The following DOCK5 variants were observed in gnomAD, a reference collection of about 807,000 sequenced individuals.
The protein encoded by DOCK5 is dedicator of cytokinesis protein 5.
Under a neutral mutation model 251.8 loss-of-function variants are expected in DOCK5, and 142 were observed. That is an observed-to-expected ratio of 0.56 (90% CI 0.49 to 0.65). DOCK5 has a LOEUF of 0.65. Among genes scored for constraint, DOCK5 ranks in the 30% least tolerant of loss-of-function variants. The pLI is 0.00. For synonymous variants in DOCK5, 842 were observed against 835.5 expected, an observed-to-expected ratio of 1.01 and a Z score of -0.13; for missense variants, 2,111 against 2,312.3, an observed-to-expected ratio of 0.91 and a Z score of 1.79.
intron 1 of DOCK5, among the ~76,000 whole-genome samples, chr8:25,214,790 T>C (rs553077745): frequency 6.6e-6 from 1 of 152,310 alleles, no homozygotes; most frequent in East Asian, 1.9e-4. Context: ...GATCAGGATG[T>C]TGGGTTGTGA....
At chr8:25,260,730 A>G (rs935809593) in intron 2 of DOCK5, among the ~76,000 whole-genome samples, 8 of 152,156 alleles carry the variant, frequency 5.3e-5, no homozygotes, top group Non-Finnish European at 7.4e-5. Context: ...ATGAATGACC[A>G]CATTAGTAAT....
At chr8:25,248,473 G>A (rs1015539347) in intron 2 of DOCK5, among the ~76,000 whole-genome samples, 2 of 151,974 alleles carry the variant, frequency 1.3e-5, no homozygotes, top group African/African-American at 4.8e-5. Context: ...CCTGGGATTC[G>A]TGTCTTCCAG....
rs937215410 is a variant in DOCK5, at chr8:25,380,357, G to A, written c.3989G>A (p.Ser1330Asn). The A allele has an allele frequency of 6.8e-6, 11 of 1,611,944 alleles. No individual in the cohort carries two copies. The highest frequency in any genetic ancestry group is 9.3e-6 in the Non-Finnish European group (11 of 1,179,050). ...AAAGAGTTGGCTGAGACTTACGAAA[G>A]CAAAGTATTTGACTACGAGGGCCTT... ...LSKELAETYE[S>N]KVFDYEGLGN... Residue 1330 changes from serine to asparagine, a missense_variant, in exon 39 of 52, where the codon AGC (serine) becomes AAC (asparagine). Around this residue, in one of 3 missense-constraint regions of DOCK5, gnomAD observed 1,717 missense variants for 1,892.4 expected, o/e 0.91. Coordinates refer to ENST00000276440, the MANE Select transcript of DOCK5 (RefSeq NM_024940.8).
rs1234427949 is a variant in DOCK5 at position 25,377,416 on chromosome 8, A to G, written c.3928A>G (p.Lys1310Glu). ...LYQEIISYFD[K>E]GKMWEKAIKL... ...TCAAGAAATCATATCATATTTCGAC[A>G]AAGGCAAAGTGAGTATTGGATTGTT... The change falls in exon 38 of 52, where the codon AAA becomes GAA. Residue 1310 changes from lysine (K) to glutamate (E), a missense_variant. Lys to Glu is a moderately conservative substitution (Grantham distance 56). Coordinates refer to ENST00000276440, the MANE Select transcript of DOCK5 (RefSeq NM_024940.8). 1 of 1,613,548 alleles carries G rather than the reference A, an allele frequency of 6.2e-7. No individual in the cohort carries two copies. Among genetic ancestry groups the G allele is most frequent in the Non-Finnish European group, 8.5e-7 (1 of 1,179,642 alleles).
chr8:25,347,181 C>T (rs1041059560), intron 26 of DOCK5, among the ~76,000 whole-genome samples: 2 of 152,182 alleles, frequency 1.3e-5, no homozygotes, highest in African/African-American at 2.4e-5. Flanking sequence ...GGTCCACCAC[C>T]GTTTGACTAC....
intron 40 of DOCK5, among the ~76,000 whole-genome samples, chr8:25,384,463 A>ATTTTTTTTT (rs201096966): frequency 2.2e-5 from 3 of 135,690 alleles, no homozygotes; most frequent in Non-Finnish European, 3.1e-5. Flanking sequence ...TTATTTATTT[A>ATTTTTTTTT]TTTTTTTTTT....
chr8:25,335,424 T>G (rs1805781144), intron 21 of DOCK5, among the ~76,000 whole-genome samples: 1 of 151,970 alleles, frequency 6.6e-6, no homozygotes, highest in Non-Finnish European at 1.5e-5. Context: ...GCCGAGTGCT[T>G]GAACCCAGGA....
At chr8:25,266,002 C>T (rs532715421) in intron 2 of DOCK5, among the ~76,000 whole-genome samples, 2 of 152,050 alleles carry the variant, frequency 1.3e-5, no homozygotes, top group African/African-American at 2.4e-5. Context: ...GCATAGAATA[C>T]GTTGGTGTTC....
chr8:25,378,603 A>G (rs549867648), intron 38 of DOCK5, among the ~76,000 whole-genome samples: 4 of 152,318 alleles, frequency 2.6e-5, no homozygotes, highest in Admixed American at 2.0e-4. Context: ...GTATCCGTCT[A>G]AGAGACAGCT....
At chr8:25,306,961 G>A (rs1804958129) in intron 11 of DOCK5, among the ~76,000 whole-genome samples, 1 of 152,122 alleles carries the variant, frequency 6.6e-6, no homozygotes, top group Non-Finnish European at 1.5e-5. Flanking sequence ...CTGTAAACCT[G>A]TCCAGCAAGC....
intron 3 of DOCK5, 61 bp downstream of exon 3, chr8:25,268,946 G>A: frequency 7.1e-7 from 1 of 1,401,474 alleles, no homozygotes; most frequent in East Asian, 2.6e-5. Context: ...TTTGTATTGT[G>A]CTATGTGACC....
intron 27 of DOCK5, among the ~76,000 whole-genome samples, chr8:25,352,681 A>G (rs892053526): frequency 6.6e-6 from 1 of 152,262 alleles, no homozygotes; most frequent in Non-Finnish European, 1.5e-5. Flanking sequence ...AAAAACTGCC[A>G]TAAAACAGGC....
At chr8:25,389,300 G>A in intron 41 of DOCK5, 68 bp downstream of exon 41, 1 of 1,557,744 alleles carries the variant, frequency 6.4e-7, no homozygotes, top group Non-Finnish European at 8.7e-7. Context: ...CTAAGCCAGA[G>A]AACATAGGAG....
chr8:25,364,938 G>T lies in DOCK5; in HGVS notation c.3123+234G>T, dbSNP rs542768795. ...ATATGTAAAAAAAAAATCTTAAAGAGTAATAGTAGAAGATCAAAAATATAA... is the reference window on the plus strand; with the variant it reads ...ATATGTAAAAAAAAAATCTTAAAGATTAATAGTAGAAGATCAAAAATATAA... On this transcript the variant is annotated intron_variant, in intron 30 of 51. Transcript: ENST00000276440. 5.9e-5 allele frequency among the ~76,000 whole-genome samples: 9 copies of T among 152,204 alleles called. No homozygotes were observed. In the East Asian group the frequency reaches 1.7e-3, roughly 29 times the overall value.
chr8:25,242,681 T>G (rs1210637362), intron 1 of DOCK5, among the ~76,000 whole-genome samples: 2 of 152,198 alleles, frequency 1.3e-5, no homozygotes, highest in Admixed American at 6.5e-5. Context: ...TTTTTTTGAG[T>G]TATGAGTTAG....
chr8:25,374,148 G>A (rs1039732514), intron 36 of DOCK5, among the ~76,000 whole-genome samples: 2 of 152,136 alleles, frequency 1.3e-5, no homozygotes, highest in Admixed American at 6.6e-5. Context: ...AGAGAAACAC[G>A]GAGGCAGGAG....
At chr8:25,215,967 ACACACG>A (rs1349658196) in intron 1 of DOCK5, among the ~76,000 whole-genome samples, 4 of 150,532 alleles carry the variant, frequency 2.7e-5, no homozygotes, top group Non-Finnish European at 4.4e-5. Context: ...ACACACACAC[ACACACG>A]TATACGATAT....
At chr8:25,197,971 C>T (rs1012886654) in intron 1 of DOCK5, among the ~76,000 whole-genome samples, 2 of 151,928 alleles carry the variant, frequency 1.3e-5, no homozygotes, top group South Asian at 2.1e-4. Context: ...AGGATGGTCT[C>T]GATCTCCTGA....
At chr8:25,354,332 A>T (rs1729562154) in intron 27 of DOCK5, among the ~76,000 whole-genome samples, 1 of 152,230 alleles carries the variant, frequency 6.6e-6, no homozygotes, top group Admixed American at 6.5e-5. Context: ...AGCCATTTCT[A>T]TCATACATTA....
Sources: allele counts gnomAD v4.1 joint callset (sites outside exome capture counted in the v4.1 genomes callset), GRCh38; gene constraint gnomAD v4.1.1; regional missense constraint gnomAD v4.1.1; transcripts MANE v1.5; gene names NCBI Gene and HGNC (gene_info 2026-07-23, HGNC 2026-07-21).